The following MMRN1 variants were observed in gnomAD, a reference collection of about 807,000 sequenced individuals.
MMRN1 encodes the protein multimerin-1.
In MMRN1, 94 loss-of-function variants were observed where a neutral mutation model predicts 100.7. That is an observed-to-expected ratio of 0.93 (90% confidence interval 0.79 to 1.11). The LOEUF (loss-of-function observed/expected upper bound fraction) is 1.11, where lower values mean the gene tolerates loss of function less well. Ranked by LOEUF, MMRN1 falls within the 50% of genes least tolerant of loss-of-function variation. The pLI is 0.00. For missense variants in MMRN1, 1,606 were observed against 1,439.1 expected, an observed-to-expected ratio of 1.12 and a Z score of -1.88; for synonymous variants, 575 against 505.0, an observed-to-expected ratio of 1.14 and a Z score of -1.86.
intron 4 of MMRN1, among the ~76,000 whole-genome samples, chr4:89,926,898 T>C (rs1396475557): frequency 1.3e-5 from 2 of 152,012 alleles, no homozygotes; most frequent in Non-Finnish European, 2.9e-5. Context: ...GTCTTTTCCC[T>C]GGTTTTTGGC....
At chr4:89,924,112 G>A (rs1034450286) in intron 4 of MMRN1, among the ~76,000 whole-genome samples, 5 of 152,062 alleles carry the variant, frequency 3.3e-5, no homozygotes, top group Admixed American at 6.6e-5. Flanking sequence ...TTTGATTAAC[G>A]AATACCTCAG....
intron 6 of MMRN1, among the ~76,000 whole-genome samples, chr4:89,943,361 TTG>T (rs1313206425): frequency 6.6e-6 from 1 of 152,166 alleles, no homozygotes; most frequent in Non-Finnish European, 1.5e-5. Flanking sequence ...AGTCATTTAC[TTG>T]AATAGGAAAT....
chr4:89,896,839 T>A (rs1297435144), intron 1 of MMRN1, among the ~76,000 whole-genome samples: 1 of 152,172 alleles, frequency 6.6e-6, no homozygotes, highest in African/African-American at 2.4e-5. Context: ...ATAGAATTTT[T>A]CGAAATATAT....
At chr4:89,907,940 T>C (rs1028348104) in intron 1 of MMRN1, among the ~76,000 whole-genome samples, 10 of 151,366 alleles carry the variant, frequency 6.6e-5, no homozygotes, top group Admixed American at 5.3e-4. Context: ...GTGGATACTA[T>C]GTTATTAGTG....
Position 89,936,543 on chromosome 4 carries a change from G to T in MMRN1, c.2863G>T (p.Asp955Tyr). 1.2e-6 allele frequency: 2 copies of T among 1,612,952 alleles called. No homozygotes were observed. Among genetic ancestry groups the T allele is most frequent in the Non-Finnish European group, 1.7e-6 (2 of 1,179,560 alleles). ...TAAGTGGATAAAACATTCCCTGCCA[G>T]ATATTCAACTTCTTCAGAAAGGTCT... The part of the protein sequence containing the change: ...IPKWIKHSLP[D>Y]IQLLQKGLTE... The change falls in exon 6 of 8, where the codon GAT becomes TAT. Residue 955 changes from aspartate to tyrosine, a missense_variant. Asp to Tyr is a radical substitution (Grantham distance 160). Coordinates refer to ENST00000264790, the MANE Select transcript of MMRN1 (RefSeq NM_007351.3).
In MMRN1 at chr4:89,936,232, C is replaced by G; in HGVS notation, c.2552C>G (p.Thr851Ser). ...CATTTGGAAGAAAAACTACTCTTAA[C>G]TACCAAGATTTCCAAAAATTTTGAG... is the stretch of plus-strand genomic sequence containing the variant. ...MSHLEEKLLL[T>S]TKISKNFETR... Residue 851 changes from threonine to serine, a missense_variant, in exon 6 of 8, where the codon ACT (threonine) becomes AGT (serine). Physicochemically the swap from Thr to Ser is moderately conservative, Grantham distance 58 (BLOSUM62 1). Transcript: ENST00000264790. The G allele has an allele frequency of 1.2e-6, 2 of 1,605,466 alleles. No homozygotes were observed. The highest frequency in any genetic ancestry group is 1.7e-6 in the Non-Finnish European group (2 of 1,177,672).
intron 1 of MMRN1, among the ~76,000 whole-genome samples, chr4:89,886,877 C>G (rs1177093329): frequency 6.6e-6 from 1 of 152,042 alleles, no homozygotes; most frequent in Non-Finnish European, 1.5e-5. Flanking sequence ...ATCCACTTCT[C>G]TAGTTATTTT....
At chr4:89,912,299 A>G (rs1226654497) in intron 3 of MMRN1, among the ~76,000 whole-genome samples, 1 of 151,268 alleles carries the variant, frequency 6.6e-6, no homozygotes, top group Non-Finnish European at 1.5e-5. Flanking sequence ...ATCTGATGAA[A>G]GATCTTACTT....
At chr4:89,913,989 C>T (rs1721835881) in intron 3 of MMRN1, among the ~76,000 whole-genome samples, 1 of 151,384 alleles carries the variant, frequency 6.6e-6, no homozygotes, top group South Asian at 2.1e-4. Context: ...GACCATTCTA[C>T]TTTTCACTTT....
intron 5 of MMRN1, among the ~76,000 whole-genome samples, chr4:89,928,878 A>G (rs1184818389): frequency 1.3e-5 from 2 of 152,280 alleles, no homozygotes; most frequent in East Asian, 3.9e-4. Context: ...TCATGGATAC[A>G]GGGAATTAGC....
Position 89,953,125 on chromosome 4 carries a change from C to A in MMRN1, c.3394C>A (p.Pro1132Thr). 5.0e-6 allele frequency: 8 copies of A among 1,613,780 alleles called. No homozygotes were observed. The highest frequency in any genetic ancestry group is 6.8e-6 in the Non-Finnish European group (8 of 1,179,860). ...LDVNYGASYT[P>T]RTGKFRIPYL... ...TGTCAATTATGGAGCTTCATATACC[C>A]CAAGAACTGGAAAATTTAGAATTCC... Residue 1132 changes from proline (P) to threonine (T), a missense_variant, in exon 8 of 8, where the codon CCA (proline) becomes ACA (threonine). Transcript: ENST00000264790.
At chr4:89,888,050 A>C (rs1464984197) in intron 1 of MMRN1, among the ~76,000 whole-genome samples, 1 of 151,916 alleles carries the variant, frequency 6.6e-6, no homozygotes, top group Non-Finnish European at 1.5e-5. Context: ...TTTTGACTCT[A>C]TAATAAAGAT....
intron 4 of MMRN1, 58 bp downstream of exon 4, chr4:89,923,330 C>A: frequency 6.9e-7 from 1 of 1,449,024 alleles, no homozygotes; most frequent in South Asian, 1.2e-5. Context: ...CTATTTATTA[C>A]AACTTCCAAG....
rs1489329619 is a variant in MMRN1 at position 89,953,815 on chromosome 4, A to T, written c.*397A>T. On this transcript the variant is annotated 3_prime_UTR_variant, in exon 8 of 8. Transcript: ENST00000264790. ...TTCCCTGTATATAAATATATAACAC[A>T]CATTTTCTAGATTCACAAATTTAAA... The T allele has an allele frequency of 3.2e-5, 5 of 154,122 alleles. No individual in the cohort carries two copies. The highest frequency in any genetic ancestry group is 1.2e-4 in the African/African-American group (5 of 41,548). The allele number at this position is 154,122 out of a possible 1,614,324, so 9.5% of individuals were successfully genotyped here. A position where few individuals can be genotyped will look rare whatever the true frequency, so the allele number is the denominator to read the frequency against.
chr4:89,923,277 T>C lies in MMRN1; in HGVS notation c.955+5T>C. ...AGCAAGGCTGTGGTGACCCAGGTCA[T>C]AGATTGTAATTACTATCATCTCTGA... On this transcript the variant is annotated splice_donor_5th_base_variant and intron_variant, in intron 4 of 7. Transcript: ENST00000264790. 3.7e-6 allele frequency: 6 copies of C among 1,610,222 alleles called. No individual in the cohort carries two copies. Among genetic ancestry groups the C allele is most frequent in the Non-Finnish European group, 4.2e-6 (5 of 1,176,566 alleles).
chr4:89,904,246 AGTAT>A lies in MMRN1; in HGVS notation c.624-5021_624-5018del, dbSNP rs1721486261. 4.0e-5 allele frequency among the ~76,000 whole-genome samples: 6 copies of A among 151,674 alleles called. No homozygotes were observed. The South Asian group carries it at 1.2e-3, about 32-fold the overall frequency. ...TTTCACTTTGTGTGGCATTTTTTTCAGTATGTATGTATTTATTTATTTTTATTGT... is the reference window on the plus strand; with the variant it reads ...TTTCACTTTGTGTGGCATTTTTTTCAGTATGTATTTATTTATTTTTATTGT... On this transcript the variant is annotated intron_variant, in intron 1 of 7. Transcript: ENST00000264790.
chr4:89,886,156 A>T (rs1254489715), intron 1 of MMRN1, among the ~76,000 whole-genome samples: 5 of 151,084 alleles, frequency 3.3e-5, no homozygotes, highest in Non-Finnish European at 5.9e-5. Context: ...CTCCCAAAGT[A>T]CTAAGATTAC....
chr4:89,907,068 C>A (rs143785643), intron 1 of MMRN1, among the ~76,000 whole-genome samples: 1 of 151,468 alleles, frequency 6.6e-6, no homozygotes. Flanking sequence ...TTTAATTGTG[C>A]TTCTGTTGAA....
intron 2 of MMRN1, among the ~76,000 whole-genome samples, chr4:89,910,155 CA>C (rs1721702910): frequency 1.3e-5 from 2 of 151,294 alleles, no homozygotes; most frequent in South Asian, 4.2e-4. Flanking sequence ...TACATAAAAT[CA>C]AGGTGTTTCT....
Sources: allele counts gnomAD v4.1 joint callset (sites outside exome capture counted in the v4.1 genomes callset), GRCh38; gene constraint gnomAD v4.1.1; transcripts MANE v1.5; gene names NCBI Gene and HGNC (gene_info 2026-07-23, HGNC 2026-07-21).